Variants in BABAM2 observed in about 807,000 individuals in gnomAD.
The protein encoded by BABAM2 is BRISC and BRCA1-A complex member 2.
In BABAM2, 31 loss-of-function variants were observed where a neutral mutation model predicts 54.7. The observed-to-expected ratio is 0.57, with a 90% CI of 0.43 to 0.77. The LOEUF is 0.77. Ranked by LOEUF, BABAM2 falls within the 30% of genes least tolerant of loss-of-function variation. The probability of loss-of-function intolerance (pLI) is 0.00; values close to 1 mark genes in which losing one functional copy is unlikely to be tolerated. For synonymous variants in BABAM2, 167 were observed against 162.9 expected, an observed-to-expected ratio of 1.03 and a Z score of -0.19; for missense variants, 364 against 455.8, an observed-to-expected ratio of 0.80 and a Z score of 1.83.
chr2:28,159,004 A>G (rs1051462719), intron 7 of BABAM2, among the ~76,000 whole-genome samples: 1 of 152,232 alleles, frequency 6.6e-6, no homozygotes, highest in Non-Finnish European at 1.5e-5. Context: ...GAACTTTAAC[A>G]TCATCAACAA....
rs181192454 is a variant in BABAM2 at position 28,225,436 on chromosome 2, G to C, written c.681-11766G>C. On this transcript the variant is annotated intron_variant, in intron 7 of 11. Transcript: ENST00000379624. ...GGAAGAGGCTTCCATGCAGGAACAG[G>C]ATTTTATTTATTTACAATTTGAAGG... Among the ~76,000 whole-genome samples, 11 of 152,264 alleles carry C rather than the reference G, an allele frequency of 7.2e-5. No individual in the cohort carries two copies. In the East Asian group the frequency reaches 1.7e-3, roughly 24 times the overall value.
intron 11 of BABAM2, chr2:28,310,286 A>C: frequency 5.7e-6 from 5 of 883,546 alleles, no homozygotes; most frequent in African/African-American, 1.7e-5. Flanking sequence ...CCATCCTCTC[A>C]GCCTGTGCAG....
chr2:28,137,893 A>G (rs1282091053), intron 7 of BABAM2, among the ~76,000 whole-genome samples: 2 of 152,166 alleles, frequency 1.3e-5, no homozygotes, highest in Admixed American at 1.3e-4. Flanking sequence ...ACTCCTCTCT[A>G]CAGCATAATA....
At chr2:27,909,714 C>G (rs1002699641) in intron 2 of BABAM2, among the ~76,000 whole-genome samples, 2 of 152,204 alleles carry the variant, frequency 1.3e-5, no homozygotes, top group Non-Finnish European at 2.9e-5. Flanking sequence ...TCACTAGTAT[C>G]TCCTTCTGTG....
rs550844157 is a variant in BABAM2, at chr2:28,145,235, C to A, written c.680+15855C>A. Among the ~76,000 whole-genome samples the A allele has an allele frequency of 2.6e-5, 4 of 152,264 alleles. No individual in the cohort carries two copies. The South Asian group carries it at 8.3e-4, about 32-fold the overall frequency. Reference sequence around the variant, plus strand: ...CAGACAGAAAGAGCTGGGAGGATGCCCTGCATGTTCTTATATCTGTAAATA... The same window carrying A: ...CAGACAGAAAGAGCTGGGAGGATGCACTGCATGTTCTTATATCTGTAAATA... On this transcript the variant is annotated intron_variant, in intron 7 of 11. Transcript: ENST00000379624.
intron 10 of BABAM2, among the ~76,000 whole-genome samples, chr2:28,256,470 A>G (rs1472348424): frequency 6.6e-6 from 1 of 152,160 alleles, no homozygotes; most frequent in Non-Finnish European, 1.5e-5. Context: ...ACATTTTCCC[A>G]TCCAAATTCC....
chr2:28,071,119 C>T (rs1033790988), intron 6 of BABAM2, among the ~76,000 whole-genome samples: 5 of 152,264 alleles, frequency 3.3e-5, no homozygotes, highest in African/African-American at 1.2e-4. Flanking sequence ...TTCTTCCTCC[C>T]TCTAAAAGTA....
At chr2:28,145,665 A>C (rs553106709) in intron 7 of BABAM2, among the ~76,000 whole-genome samples, 1 of 152,282 alleles carries the variant, frequency 6.6e-6, no homozygotes, top group Admixed American at 6.5e-5. Context: ...AGCCATCACC[A>C]CAATCAATTT....
chr2:28,334,957 C>T (rs1309239754), intron 11 of BABAM2, among the ~76,000 whole-genome samples: 1 of 152,102 alleles, frequency 6.6e-6, no homozygotes, highest in Non-Finnish European at 1.5e-5. Flanking sequence ...TGGATAAGGG[C>T]TTTGAGGTCC....
At chr2:28,018,554 A>G (rs780161509) in intron 4 of BABAM2, among the ~76,000 whole-genome samples, 1 of 152,132 alleles carries the variant, frequency 6.6e-6, no homozygotes, top group African/African-American at 2.4e-5. Context: ...AGGTAGATCT[A>G]CTTTCAGTTC....
At chr2:27,909,813 T>C (rs1334967104) in intron 2 of BABAM2, among the ~76,000 whole-genome samples, 1 of 152,220 alleles carries the variant, frequency 6.6e-6, no homozygotes, top group Non-Finnish European at 1.5e-5. Flanking sequence ...ATATCACTCA[T>C]TGTTATGATT....
chr2:28,262,413 T>C (rs1451256772), intron 10 of BABAM2, among the ~76,000 whole-genome samples: 1 of 152,078 alleles, frequency 6.6e-6, no homozygotes, highest in Non-Finnish European at 1.5e-5. Flanking sequence ...ACCAGGGACC[T>C]AAAAAGACAG....
intron 11 of BABAM2, among the ~76,000 whole-genome samples, chr2:28,326,915 C>T (rs1202974290): frequency 5.2e-5 from 1 of 19,062 alleles, no homozygotes; most frequent in African/African-American, 1.9e-4. Flanking sequence ...TCGGCAGTTT[C>T]CTTTTTCCTT....
chr2:28,029,448 T>C (rs1676137180), intron 5 of BABAM2, among the ~76,000 whole-genome samples: 1 of 152,220 alleles, frequency 6.6e-6, no homozygotes, highest in Non-Finnish European at 1.5e-5. Flanking sequence ...GGTAGAATTG[T>C]ATAGTATTTG....
At chr2:27,932,637 T>C (rs1668177829) in intron 3 of BABAM2, among the ~76,000 whole-genome samples, 1 of 152,210 alleles carries the variant, frequency 6.6e-6, no homozygotes, top group South Asian at 2.1e-4. Flanking sequence ...TGGGCATACA[T>C]ACCTGATCAC....
intron 3 of BABAM2, chr2:27,930,295 C>G (rs1558595804): frequency 1.1e-5 from 2 of 178,156 alleles, no homozygotes; most frequent in Non-Finnish European, 2.4e-5. Context: ...CCCTGTGGAA[C>G]CGCTGCGCCA....
At chr2:28,301,925 T>A (rs1688136934) in intron 11 of BABAM2, among the ~76,000 whole-genome samples, 1 of 152,218 alleles carries the variant, frequency 6.6e-6, no homozygotes, top group East Asian at 1.9e-4. Context: ...AAGTATATCT[T>A]TTGACAAGTT....
chr2:27,977,580 T>G (rs1350636571), intron 3 of BABAM2, among the ~76,000 whole-genome samples: 7 of 152,306 alleles, frequency 4.6e-5, no homozygotes, highest in Admixed American at 4.6e-4. Context: ...AAAAGCTATT[T>G]TAACTTACAA....
At chr2:28,026,960 A>T (rs1401269505) in intron 5 of BABAM2, among the ~76,000 whole-genome samples, 4 of 2,786 alleles carry the variant, frequency 1.4e-3, no homozygotes, top group African/African-American at 1.7e-3. Context: ...ATATATATAA[A>T]TATATATATA....
Sources: allele counts gnomAD v4.1 joint callset (sites outside exome capture counted in the v4.1 genomes callset), GRCh38; gene constraint gnomAD v4.1.1; transcripts MANE v1.5; gene names NCBI Gene and HGNC (gene_info 2026-07-23, HGNC 2026-07-21).